Variants in SPATA6L observed in about 807,000 individuals in gnomAD.
The protein encoded by SPATA6L is spermatogenesis associated 6 like.
In SPATA6L, 68 loss-of-function variants were observed where a neutral mutation model predicts 49.2. The observed-to-expected ratio is 1.38, with a 90% CI of 1.14 to 1.69. SPATA6L has a LOEUF of 1.69. Ranked by LOEUF, SPATA6L falls within the 40% of genes most tolerant of loss-of-function variation. The probability of loss-of-function intolerance (pLI) is 0.00; values close to 1 mark genes in which losing one functional copy is unlikely to be tolerated. For synonymous variants in SPATA6L, 198 were observed against 165.7 expected (o/e 1.19, Z -1.50); for missense variants, 668 against 464.3 (o/e 1.44, Z -4.03).
chr9:4,662,594 G>T lies in SPATA6L; in HGVS notation c.40-558C>A, dbSNP rs775045538. 1.8e-5 allele frequency: 28 copies of T among 1,591,264 alleles called. No individual in the cohort carries two copies. The East Asian group carries it at 5.8e-4, about 33-fold the overall frequency. On this transcript the variant is annotated intron_variant, in intron 1 of 11. Transcript: ENST00000682582. This position sits in a 1 kb window ranked among gnomAD's most constrained non-coding sequence, Gnocchi z 4.9. ...TTCACCGCCGCGGCTCCTTCCCCCT[G>T]GCCGCGGCGGGCCCCTCGCAGTCGC...
At chr9:4,647,039 C>A (rs1209920537) in intron 3 of SPATA6L, among the ~76,000 whole-genome samples, 1 of 151,596 alleles carries the variant, frequency 6.6e-6, no homozygotes. Flanking sequence ...ATATAACAAA[C>A]CTGCACATAT....
chr9:4,617,121 C>T (rs769051126), intron 9 of SPATA6L, among the ~76,000 whole-genome samples: 1 of 152,146 alleles, frequency 6.6e-6, no homozygotes, highest in Non-Finnish European at 1.5e-5. Context: ...TTCAGGGCCA[C>T]TGTGGTTCTG....
chr9:4,629,345 G>A (rs1294932507), intron 4 of SPATA6L, among the ~76,000 whole-genome samples, 177 bp from the exon 5 acceptor site: 1 of 152,024 alleles, frequency 6.6e-6, no homozygotes, highest in Non-Finnish European at 1.5e-5. Flanking sequence ...TATATATTAT[G>A]TATCAGAGCC....
chr9:4,634,560 T>C (rs1464207484), intron 4 of SPATA6L, among the ~76,000 whole-genome samples: 1 of 152,194 alleles, frequency 6.6e-6, no homozygotes, highest in African/African-American at 2.4e-5. Context: ...CAATAACAAA[T>C]TATATTAATT....
chr9:4,652,291 G>A (rs904824597), intron 3 of SPATA6L, among the ~76,000 whole-genome samples: 2 of 152,004 alleles, frequency 1.3e-5, no homozygotes, highest in African/African-American at 2.4e-5. Context: ...GTGTGGTGGT[G>A]CATGCCTGTA....
At chr9:4,627,739 C>A in intron 5 of SPATA6L, 1 of 1,289,206 alleles carries the variant, frequency 7.8e-7, no homozygotes. Flanking sequence ...TGCCCTAAGA[C>A]GCTTCACGCT....
intron 9 of SPATA6L, among the ~76,000 whole-genome samples, chr9:4,610,628 C>A (rs1179983355): frequency 6.6e-6 from 1 of 151,740 alleles, no homozygotes; most frequent in Non-Finnish European, 1.5e-5. Context: ...CTTCCTTACA[C>A]CTTATACAAA....
intron 13 of SPATA6L, among the ~76,000 whole-genome samples, chr9:4,591,058 T>G (rs928183240): frequency 2.6e-5 from 4 of 152,184 alleles, no homozygotes; most frequent in African/African-American, 4.8e-5. Flanking sequence ...GATCTAACAC[T>G]GGCCAGGATT....
chr9:4,642,792 AT>A (rs147565205), intron 3 of SPATA6L, among the ~76,000 whole-genome samples: 13,145 of 151,998 alleles, frequency 0.086, 1,043 homozygotes, highest in African/African-American at 0.2. Context: ...GATTGAAAAC[AT>A]TGTTAAAAAT....
intron 10 of SPATA6L, 28 bp from the exon 11 acceptor site, chr9:4,604,297 T>C (rs560138589): frequency 3.0e-5 from 44 of 1,471,282 alleles, no homozygotes; most frequent in Admixed American, 6.8e-5. Context: ...CCAGCAATTA[T>C]GTTACCCATA....
chr9:4,643,384 C>T (rs1834484392), intron 3 of SPATA6L, among the ~76,000 whole-genome samples: 1 of 152,090 alleles, frequency 6.6e-6, no homozygotes, highest in African/African-American at 2.4e-5. Context: ...CTCCTGGATG[C>T]AGTAGAAGTA....
At chr9:4,646,375 G>C (rs1835376266) in intron 3 of SPATA6L, 2 of 609,400 alleles carry the variant, frequency 3.3e-6, no homozygotes, top group Non-Finnish European at 5.4e-6. Context: ...GACACATAAA[G>C]TTGTATGTTA....
intron 3 of SPATA6L, among the ~76,000 whole-genome samples, chr9:4,639,661 C>T (rs914817319): frequency 6.6e-6 from 1 of 152,184 alleles, no homozygotes; most frequent in African/African-American, 2.4e-5. Context: ...AGGGAAGTAT[C>T]TGAAAGAACT....
At chr9:4,641,403 A>G (rs977120648) in intron 3 of SPATA6L, among the ~76,000 whole-genome samples, 2 of 152,184 alleles carry the variant, frequency 1.3e-5, no homozygotes, top group African/African-American at 2.4e-5. Flanking sequence ...ATAATAAAAC[A>G]TTAAAAATAA....
At chr9:4,596,863 A>G (rs1036494862), downstream of SPATA6L, among the ~76,000 whole-genome samples, 2 of 152,206 alleles carry the variant, frequency 1.3e-5, no homozygotes, top group African/African-American at 4.8e-5. Context: ...AGGGTTTGCA[A>G]ACTGGCTCTG....
intron 4 of SPATA6L, among the ~76,000 whole-genome samples, chr9:4,629,781 A>G (rs998952047): frequency 2.8e-5 from 4 of 141,836 alleles, no homozygotes; most frequent in East Asian, 2.0e-4. Context: ...ATATATATAT[A>G]TATATATATA....
At position 4,622,401 on chromosome 9, in the gene SPATA6L, C is replaced by T. The variant is rs772073601; in HGVS notation, c.772+7G>A. On this transcript the variant is annotated splice_region_variant and intron_variant, in intron 7 of 11. Coordinates refer to ENST00000682582, the MANE Select transcript of SPATA6L (RefSeq NM_001353486.2). Reference sequence around the variant, plus strand: ...AAATGTACAGGAGTAACAAGAAACTCGAGTACCTCTTCTCGTTGGAAACGG... The same window carrying T: ...AAATGTACAGGAGTAACAAGAAACTTGAGTACCTCTTCTCGTTGGAAACGG... 5 of 1,577,508 alleles carry T rather than the reference C, an allele frequency of 3.2e-6. No individual in the cohort carries two copies. The highest frequency in any genetic ancestry group is 1.3e-5 in the African/African-American group (1 of 74,322).
intron 3 of SPATA6L, among the ~76,000 whole-genome samples, chr9:4,649,349 T>C (rs1836279289): frequency 6.6e-6 from 1 of 152,352 alleles, no homozygotes; most frequent in South Asian, 2.1e-4. Flanking sequence ...CCATCGGCAG[T>C]GTAGAAGTAT....
chr9:4,638,244 T>G (rs1833213830), intron 3 of SPATA6L, among the ~76,000 whole-genome samples: 1 of 152,174 alleles, frequency 6.6e-6, no homozygotes, highest in Non-Finnish European at 1.5e-5. Context: ...GGAGTCTCGC[T>G]CTTATTGCCC....
Sources: gnomAD v4.1 joint callset for allele counts (sites outside exome capture counted in the v4.1 genomes callset) on GRCh38, gnomAD v4.1.1 for gene constraint, Gnocchi (gnomAD v3.1) non-coding constraint, MANE v1.5 for transcripts, NCBI Gene and HGNC (gene_info 2026-07-23, HGNC 2026-07-21) for gene names.